The following CD247 variants were observed in gnomAD, a reference collection of about 807,000 sequenced individuals.
CD247 encodes the protein T-cell surface glycoprotein CD3 zeta chain.
A neutral mutation model predicts 30.0 loss-of-function variants in CD247; 13 were observed. The ratio of observed to expected loss-of-function variants is 0.43; its 90% CI spans 0.28 to 0.69. The LOEUF (loss-of-function observed/expected upper bound fraction) is 0.69, where lower values mean the gene tolerates loss of function less well. CD247 is among the 30% of genes least tolerant of loss of function. The probability of loss-of-function intolerance (pLI) is 0.16; values close to 1 mark genes in which losing one functional copy is unlikely to be tolerated. For missense variants in CD247, 193 were observed against 212.6 expected, an observed-to-expected ratio of 0.91 and a Z score of 0.57; for synonymous variants, 72 against 80.0, an observed-to-expected ratio of 0.90 and a Z score of 0.53.
At chr1:167,478,848 A>G (rs971007399) in intron 1 of CD247, among the ~76,000 whole-genome samples, 3 of 152,190 alleles carry the variant, frequency 2.0e-5, no homozygotes, top group South Asian at 2.1e-4. Flanking sequence ...TGTAATTCCA[A>G]TTTTGTTTTT....
At chr1:167,499,628 G>A (rs1280980884) in intron 1 of CD247, among the ~76,000 whole-genome samples, 1 of 152,138 alleles carries the variant, frequency 6.6e-6, no homozygotes, top group Non-Finnish European at 1.5e-5. Flanking sequence ...TGAAAAGTAG[G>A]CGTAATAATG....
chr1:167,517,246 G>A (rs994403008), intron 1 of CD247, among the ~76,000 whole-genome samples: 2 of 152,172 alleles, frequency 1.3e-5, no homozygotes, highest in African/African-American at 4.8e-5. Flanking sequence ...CGCTGGCCCG[G>A]GCTGTGCCTG....
At chr1:167,435,853 G>A (rs1651523767) in intron 4 of CD247, among the ~76,000 whole-genome samples, 1 of 152,268 alleles carries the variant, frequency 6.6e-6, no homozygotes, top group South Asian at 2.1e-4. Context: ...CCTGACAAGA[G>A]GAGAGGAGGC....
At chr1:167,500,924 T>TA (rs1654872001) in intron 1 of CD247, among the ~76,000 whole-genome samples, 2 of 152,118 alleles carry the variant, frequency 1.3e-5, no homozygotes, top group Non-Finnish European at 2.9e-5. Flanking sequence ...AGCCTGGTGC[T>TA]ATGGGATGGG....
chr1:167,450,113 G>T (rs569935059), intron 1 of CD247, among the ~76,000 whole-genome samples: 1 of 152,182 alleles, frequency 6.6e-6, no homozygotes, highest in South Asian at 2.1e-4. Context: ...GTGCTCATTT[G>T]TTTCCAATTT....
intron 1 of CD247, among the ~76,000 whole-genome samples, chr1:167,495,734 C>A (rs1433883350): frequency 2.0e-5 from 3 of 152,194 alleles, no homozygotes; most frequent in African/African-American, 7.2e-5. Flanking sequence ...ACTCATACCA[C>A]CTCTTTGCAG....
intron 1 of CD247, among the ~76,000 whole-genome samples, chr1:167,486,555 GTTTGCGGA>G (rs1213186205): frequency 6.6e-6 from 1 of 152,268 alleles, no homozygotes; most frequent in Non-Finnish European, 1.5e-5. Context: ...CCCGCCTCGA[GTTTGCGGA>G]TAGCATGATT....
chr1:167,454,120 T>C (rs549152278), intron 1 of CD247, among the ~76,000 whole-genome samples: 3 of 152,330 alleles, frequency 2.0e-5, no homozygotes, highest in South Asian at 2.1e-4. Flanking sequence ...GTGCTGATGA[T>C]TGTACAATAA....
At chr1:167,486,929 C>A (rs1230910591) in intron 1 of CD247, among the ~76,000 whole-genome samples, 4 of 151,280 alleles carry the variant, frequency 2.6e-5, no homozygotes. Context: ...CAAAAATTAG[C>A]CAGGCGTGGT....
intron 1 of CD247, among the ~76,000 whole-genome samples, chr1:167,477,009 A>G (rs1653777587): frequency 6.6e-6 from 1 of 152,246 alleles, no homozygotes; most frequent in African/African-American, 2.4e-5. Flanking sequence ...CTTATCATAC[A>G]TAGATGGAAG....
Position 167,518,452 on chromosome 1 carries a change from G to A in CD247, c.14C>T (p.Ala5Val), listed in dbSNP as rs768293096. ...CTGCAGGATGGCCGCGGTGAAAAGC[G>A]CCTTCCACTTCATCTTGTCCTTTCC... MKWK[A>V]LFTAAILQAQ... The change falls in exon 1 of 8, where the codon GCG (alanine) becomes GTG (valine). Residue 5 changes from alanine (A) to valine (V), a missense_variant. Coordinates refer to ENST00000362089, the MANE Select transcript of CD247 (RefSeq NM_198053.3). 19 of 1,613,980 alleles carry A rather than the reference G, an allele frequency of 1.2e-5. No homozygotes were observed. The highest frequency in any genetic ancestry group is 9.9e-5 in the South Asian group (9 of 91,082).
intron 1 of CD247, among the ~76,000 whole-genome samples, chr1:167,442,575 G>A (rs1253767856): frequency 3.9e-5 from 6 of 152,128 alleles, no homozygotes; most frequent in Non-Finnish European, 5.9e-5. Flanking sequence ...CAGAGCACAC[G>A]GTCACAGGCA....
chr1:167,458,668 T>TC (rs1177865867), intron 1 of CD247: 8 of 135,904 alleles, frequency 5.9e-5, no homozygotes, highest in Admixed American at 7.9e-5. Flanking sequence ...GGCATCTGTT[T>TC]TTTTCTTTCT....
chr1:167,463,215 C>T (rs1440182887), intron 1 of CD247, among the ~76,000 whole-genome samples: 1 of 152,216 alleles, frequency 6.6e-6, no homozygotes, highest in African/African-American at 2.4e-5. Flanking sequence ...CAGGGAATTA[C>T]AGTCAAGGCT....
At chr1:167,480,802 T>C (rs1022431330) in intron 1 of CD247, among the ~76,000 whole-genome samples, 1 of 152,242 alleles carries the variant, frequency 6.6e-6, no homozygotes, top group Non-Finnish European at 1.5e-5. Context: ...AATTATTTGG[T>C]TACAAGTAAT....
At chr1:167,517,782 C>A (rs1655676451) in intron 1 of CD247, among the ~76,000 whole-genome samples, 1 of 152,208 alleles carries the variant, frequency 6.6e-6, no homozygotes, top group African/African-American at 2.4e-5. Context: ...CATGACAAGG[C>A]TGAGCCTAGA....
Position 167,449,156 on chromosome 1 carries a change from T to TTTTTTTTTTTTTTC in CD247, c.59-8390_59-8389insGAAAAAAAAAAAAA, listed in dbSNP as rs1558000527. Reference sequence around the variant, plus strand: ...TGTGATCATTTTTCTTTTCTTTTTTTTTTTTTTTTTTTTTGAGACAGAGTC... The same window carrying TTTTTTTTTTTTTTC: ...TGTGATCATTTTTCTTTTCTTTTTTTTTTTTTTTTTTTTCTTTTTTTTTTTTTTGAGACAGAGTC... On this transcript the variant is annotated intron_variant, in intron 1 of 7. Transcript: ENST00000362089. 1.7e-4 allele frequency among the ~76,000 whole-genome samples: 19 copies of TTTTTTTTTTTTTTC among 113,548 alleles called. 1 individual carries two copies. The highest frequency in any genetic ancestry group is 7.2e-4 in the East Asian group (3 of 4,144). The allele number at this position is 113,548 out of a possible 152,430, so 74.5% of individuals were successfully genotyped here.
intron 1 of CD247, among the ~76,000 whole-genome samples, chr1:167,442,186 C>A (rs143703280): frequency 4.0e-4 from 61 of 152,344 alleles, no homozygotes; most frequent in African/African-American, 1.4e-3. Flanking sequence ...AGATTTTAGT[C>A]TGACCATACT....
rs1008136409 is a variant in CD247 at position 167,440,779 on chromosome 1, G to A, written c.59-12C>T. On this transcript the variant is annotated splice_polypyrimidine_tract_variant and intron_variant, in intron 1 of 7. Coordinates refer to ENST00000362089, the MANE Select transcript of CD247 (RefSeq NM_198053.3). The stretch of plus-strand genomic sequence containing the variant: ...AAAGCTCTGTGCCTCTGTGCCAAGA[G>A]ATAAAGCTGGTCAGCCAGGCCCAAG... The A allele has an allele frequency of 1.3e-6, 2 of 1,592,574 alleles. No individual in the cohort carries two copies. The highest frequency in any genetic ancestry group is 1.7e-5 in the Admixed American group (1 of 59,766).
Sources: allele counts gnomAD v4.1 joint callset (sites outside exome capture counted in the v4.1 genomes callset), GRCh38; gene constraint gnomAD v4.1.1; transcripts MANE v1.5; gene names NCBI Gene and HGNC (gene_info 2026-07-23, HGNC 2026-07-21).